The following ABL1 variants were observed in gnomAD, a reference collection of about 807,000 sequenced individuals.
ABL1 encodes the protein ABL proto-oncogene 1, non-receptor tyrosine kinase.
In ABL1, 11 loss-of-function variants were observed where a neutral mutation model predicts 94.7. That is an observed-to-expected ratio of 0.12 (90% CI 0.07 to 0.19). The LOEUF (loss-of-function observed/expected upper bound fraction) is 0.19. Ranked by LOEUF, ABL1 falls within the 10% of genes least tolerant of loss-of-function variation. The pLI, the probability that ABL1 is intolerant of heterozygous loss-of-function variation, is 1.00. For missense variants in ABL1, 1,082 were observed against 1,489.4 expected, an observed-to-expected ratio of 0.73 and a Z score of 4.50; for synonymous variants, 656 against 622.4, an observed-to-expected ratio of 1.05 and a Z score of -0.80.
intron 1 of ABL1, among the ~76,000 whole-genome samples, chr9:130,728,230 A>ATTTTTTTTTTTTTTTTTTTTTTTT (rs55915035): frequency 9.7e-6 from 1 of 102,636 alleles, no homozygotes; most frequent in African/African-American, 5.3e-5. Flanking sequence ...TGTCCAGCTG[A>ATTTTTTTTTTTTTTTTTTTTTTTT]TTTTTTTTTT....
rs1022424210 is a variant in ABL1 at position 130,787,416 on chromosome 9, C to A, written c.137-66648C>A. ...GAGAATTTCCCACGTTTCCCCCCAA[C>A]CCCACCCGAAGCTGACTTTTGCATT... On this transcript the variant is annotated intron_variant, in intron 1 of 10. Coordinates refer to the ABL1 transcript ENST00000372348. 1.6e-4 allele frequency among the ~76,000 whole-genome samples: 25 copies of A among 152,104 alleles called. 1 individual carries two copies. Among genetic ancestry groups the A allele is most frequent in the African/African-American group, 5.8e-4 (24 of 41,400 alleles).
chr9:130,810,467 A>G (rs1249868138), intron 1 of ABL1, among the ~76,000 whole-genome samples: 1 of 152,122 alleles, frequency 6.6e-6, no homozygotes, highest in African/African-American at 2.4e-5. Context: ...CTGCACTCCA[A>G]CCTGGGCGAG....
chr9:130,882,972 C>G (rs774471973), intron 10 of ABL1, among the ~76,000 whole-genome samples: 13 of 151,826 alleles, frequency 8.6e-5, no homozygotes, highest in African/African-American at 2.9e-4. Context: ...GTCAGGCTCC[C>G]GTGGCACAAG....
At chr9:130,774,337 G>A (rs1832287623) in intron 1 of ABL1, among the ~76,000 whole-genome samples, 1 of 152,108 alleles carries the variant, frequency 6.6e-6, no homozygotes, top group Non-Finnish European at 1.5e-5. Flanking sequence ...GAGCAGGATC[G>A]CTGGTCATAT....
At chr9:130,810,093 C>G (rs967609092) in intron 1 of ABL1, among the ~76,000 whole-genome samples, 3 of 152,042 alleles carry the variant, frequency 2.0e-5, no homozygotes, top group African/African-American at 7.2e-5. Context: ...AATAACTGAC[C>G]AGAAATGAGA....
In ABL1 at chr9:130,872,487, CTT is replaced by C. The variant is rs1831268701; in HGVS notation, c.907+275_907+276del. On this transcript the variant is annotated intron_variant, in intron 5 of 10. Transcript: ENST00000318560. This position sits in a 1 kb window ranked among gnomAD's most constrained non-coding sequence, Gnocchi z 5.0. ...GCAAATCTGAAATTAGTTTCTGAAACTTGGGCATTTTCCAGAGTTTTCTCACT... is the reference window on the plus strand; with the variant it reads ...GCAAATCTGAAATTAGTTTCTGAAACGGGCATTTTCCAGAGTTTTCTCACT... Among the ~76,000 whole-genome samples the C allele has an allele frequency of 6.6e-6, 1 of 152,244 alleles. No homozygotes were observed. The highest frequency in any genetic ancestry group is 1.5e-5 in the Non-Finnish European group (1 of 68,042).
intron 1 of ABL1, among the ~76,000 whole-genome samples, chr9:130,805,499 C>A (rs866283070): frequency 1.3e-5 from 2 of 152,036 alleles, no homozygotes; most frequent in Non-Finnish European, 2.9e-5. Context: ...GATATTTCTT[C>A]GGTATATTCA....
At chr9:130,758,847 G>A (rs535974520) in intron 1 of ABL1, among the ~76,000 whole-genome samples, 19 of 152,234 alleles carry the variant, frequency 1.2e-4, no homozygotes, top group Admixed American at 9.2e-4. Context: ...TGCAGTTTTC[G>A]GTGCATCTCA....
intron 1 of ABL1, among the ~76,000 whole-genome samples, chr9:130,826,811 GCT>G (rs1330413053): frequency 6.6e-6 from 1 of 152,208 alleles, no homozygotes; most frequent in Non-Finnish European, 1.5e-5. Flanking sequence ...GGGCGCGGTG[GCT>G]CACGCCTGTA....
At chr9:130,713,464 G>C (rs1387251596) in exon 1 of ABL1, among the ~76,000 whole-genome samples, 2 of 148,810 alleles carry the variant, frequency 1.3e-5, no homozygotes, top group Non-Finnish European at 3.0e-5. Flanking sequence ...TGCCCGTGCC[G>C]CGCCCCGACA....
At chr9:130,740,196 A>ACAAT in intron 1 of ABL1, among the ~76,000 whole-genome samples, 1 of 152,360 alleles carries the variant, frequency 6.6e-6, no homozygotes, top group Non-Finnish European at 1.5e-5. Flanking sequence ...TCACACACAC[A>ACAAT]CAATCAATCA....
intron 1 of ABL1, among the ~76,000 whole-genome samples, chr9:130,827,899 TAATAAATA>T (rs200452899): frequency 2.6e-3 from 345 of 131,534 alleles, no homozygotes; most frequent in African/African-American, 7.2e-3. Flanking sequence ...GTCTCAAAAA[TAATAAATA>T]AATAAATAAA....
upstream of ABL1, among the ~76,000 whole-genome samples, chr9:130,833,034 G>GAAA (rs1830511410): frequency 6.6e-6 from 1 of 151,918 alleles, no homozygotes; most frequent in Non-Finnish European, 1.5e-5. Context: ...TTCATTTTAA[G>GAAA]AGGATTTAAG....
At position 130,885,213 on chromosome 9, in the gene ABL1, C is replaced by G. The variant is rs934451374; in HGVS notation, c.2923C>G (p.Pro975Ala). ...ACAGTCCGCCAAGCCGTCGGGGACC[C>G]CCATCAGCCCAGCCCCCGTTCCCTC... ...KPQSAKPSGTPISPAPVPSTL... is the reference protein window; with the variant it reads ...KPQSAKPSGTAISPAPVPSTL... The change falls in exon 11 of 11, where the codon CCC becomes GCC. Residue 975 changes from proline to alanine, a missense_variant. By Grantham distance (27) the Pro-to-Ala change is conservative. Transcript: ENST00000318560. 6.2e-7 allele frequency: 1 copy of G among 1,613,666 alleles called. No individual in the cohort carries two copies. The highest frequency in any genetic ancestry group is 8.5e-7 in the Non-Finnish European group (1 of 1,179,976).
chr9:130,804,220 G>T (rs753200831), intron 1 of ABL1, among the ~76,000 whole-genome samples: 2 of 152,026 alleles, frequency 1.3e-5, no homozygotes, highest in Admixed American at 1.3e-4. Context: ...TTAGCAGGGC[G>T]TGGTGGTGGG....
At chr9:130,760,668 C>CTT (rs923172063) in intron 1 of ABL1, among the ~76,000 whole-genome samples, 4 of 145,564 alleles carry the variant, frequency 2.7e-5, no homozygotes, top group Non-Finnish European at 3.0e-5. Context: ...TCCTCCCCCA[C>CTT]TTTTTTTTTT....
At position 130,846,081 on chromosome 9, in the gene ABL1, CTGTGTGTGTG is replaced by C. The variant is rs10554440; in HGVS notation, c.80-7964_80-7955del. ...AGGCTGTGTTCAGTTAAACGTATGT[CTGTGTGTGTG>C]TGTGTGTGTGTGTGTGTGCTTGTGT... On this transcript the variant is annotated intron_variant, in intron 1 of 10. Coordinates refer to ENST00000318560, the MANE Select transcript of ABL1 (RefSeq NM_005157.6). Among the ~76,000 whole-genome samples the C allele has an allele frequency of 1.7e-3, 246 of 148,152 alleles. 1 individual carries two copies. The highest frequency in any genetic ancestry group is 5.8e-3 in the African/African-American group (233 of 40,488).
At chr9:130,843,720 G>C (rs564776124) in intron 1 of ABL1, among the ~76,000 whole-genome samples, 1 of 152,232 alleles carries the variant, frequency 6.6e-6, no homozygotes, top group South Asian at 2.1e-4. Flanking sequence ...AGGAAGAGCA[G>C]AAGAGGCTGG....
chr9:130,809,443 TGC>T (rs1491317683), intron 1 of ABL1, among the ~76,000 whole-genome samples: 1 of 144,872 alleles, frequency 6.9e-6, no homozygotes, highest in African/African-American at 2.6e-5. Flanking sequence ...TGTGTGTGTG[TGC>T]ACGTGTGAAG....
Sources: allele counts gnomAD v4.1 joint callset (sites outside exome capture counted in the v4.1 genomes callset), GRCh38; gene constraint gnomAD v4.1.1; non-coding constraint Gnocchi (gnomAD v3.1); transcripts MANE v1.5; gene names NCBI Gene and HGNC (gene_info 2026-07-23, HGNC 2026-07-21).